STXBP5: variants seen among roughly 807,000 people sequenced by gnomAD.
The protein encoded by STXBP5 is syntaxin-binding protein 5.
Under a neutral mutation model 152.4 loss-of-function variants are expected in STXBP5, and 50 were observed. The ratio of observed to expected loss-of-function variants is 0.33; its 90% CI spans 0.26 to 0.42. The LOEUF (loss-of-function observed/expected upper bound fraction) is 0.42. Among genes scored for constraint, STXBP5 ranks in the 10% least tolerant of loss-of-function variants. The pLI, the probability that STXBP5 is intolerant of heterozygous loss-of-function variation, is 1.00. For synonymous variants in STXBP5, 492 were observed against 494.7 expected (o/e 0.99, Z 0.07); for missense variants, 1,167 against 1,388.6 (o/e 0.84, Z 2.54).
At chr6:147,305,177 C>A (rs767713747) in intron 9 of STXBP5, among the ~76,000 whole-genome samples, 1 of 152,108 alleles carries the variant, frequency 6.6e-6, no homozygotes, top group Admixed American at 6.5e-5. Flanking sequence ...CACTTGAATG[C>A]CACTTGACAT....
At chr6:147,383,952 A>G (rs1428654959) in intron 27 of STXBP5, among the ~76,000 whole-genome samples, 4 of 152,102 alleles carry the variant, frequency 2.6e-5, no homozygotes, top group Admixed American at 1.3e-4. Context: ...GTGGTGGTCA[A>G]TCTAGGTCAG....
Position 147,373,822 on chromosome 6 carries a change from C to T in STXBP5, c.3173C>T (p.Ser1058Phe), listed in dbSNP as rs915508045. ...GGCTTATTTGGAGGTGGTGCACAAT[C>T]TCTTGACAGAGAAGAACTATGTAAG... Reference protein sequence around the residue: ...FKGLFGGGAQSLDREELFGES... With the variant: ...FKGLFGGGAQFLDREELFGES... The change falls in exon 26 of 28, where the codon TCT becomes TTT. Residue 1058 changes from serine (S) to phenylalanine (F), a missense_variant. Coordinates refer to ENST00000321680, the MANE Select transcript of STXBP5 (RefSeq NM_001127715.4). The T allele has an allele frequency of 1.9e-6, 3 of 1,612,232 alleles. No individual in the cohort carries two copies. Among genetic ancestry groups the T allele is most frequent in the Non-Finnish European group, 2.5e-6 (3 of 1,178,592 alleles).
At chr6:147,232,621 G>T (rs985503823) in intron 2 of STXBP5, among the ~76,000 whole-genome samples, 1 of 151,676 alleles carries the variant, frequency 6.6e-6, no homozygotes, top group Non-Finnish European at 1.5e-5. Flanking sequence ...TCATTTCTCT[G>T]AGCCTTAGAT....
At chr6:147,287,843 T>A (rs1261373585) in intron 8 of STXBP5, among the ~76,000 whole-genome samples, 1 of 152,240 alleles carries the variant, frequency 6.6e-6, no homozygotes, top group East Asian at 1.9e-4. Flanking sequence ...CTAATAAATG[T>A]TCTCAAACCA....
In STXBP5 at chr6:147,384,798, A is replaced by C. The variant is rs1786264387; in HGVS notation, c.*43A>C. 2 of 1,584,200 alleles carry C rather than the reference A, an allele frequency of 1.3e-6. No individual in the cohort carries two copies. Among genetic ancestry groups the C allele is most frequent in the African/African-American group, 1.4e-5 (1 of 73,186 alleles). On this transcript the variant is annotated 3_prime_UTR_variant, in exon 28 of 28. Transcript: ENST00000321680. ...GTCCAACTTCAGCCAGAAGGAAAAAAGTTTTCCATTTTTATTACATTCTTT... is the reference window on the plus strand; with the variant it reads ...GTCCAACTTCAGCCAGAAGGAAAAACGTTTTCCATTTTTATTACATTCTTT...
intron 16 of STXBP5, among the ~76,000 whole-genome samples, chr6:147,317,987 A>G (rs1047285534): frequency 8.5e-5 from 13 of 152,208 alleles, no homozygotes; most frequent in Non-Finnish European, 1.9e-4. Context: ...AGTGTTTTCA[A>G]CTACTGAAGT....
chr6:147,307,457 T>G lies in STXBP5; in HGVS notation c.918-2627T>G, dbSNP rs1782151852. On this transcript the variant is annotated intron_variant, in intron 9 of 27. Transcript: ENST00000321680. Reference sequence around the variant, plus strand: ...GAGATCCCTGGAACTTTTAATACAATTCCAAATGCTTACAAAAACTTTAAA... The same window carrying G: ...GAGATCCCTGGAACTTTTAATACAAGTCCAAATGCTTACAAAAACTTTAAA... Among the ~76,000 whole-genome samples the G allele has an allele frequency of 2.0e-5, 3 of 152,306 alleles. No individual in the cohort carries two copies. The South Asian group carries it at 6.2e-4, about 32-fold the overall frequency.
At chr6:147,372,406 C>CTTTTTTTTTT (rs1583009383) in intron 25 of STXBP5, among the ~76,000 whole-genome samples, 1,280 of 39,106 alleles carry the variant, frequency 0.033, 629 homozygotes, top group Non-Finnish European at 0.041. Flanking sequence ...CCGTCCTTTT[C>CTTTTTTTTTT]CTTTTTTTTT....
intron 2 of STXBP5, among the ~76,000 whole-genome samples, chr6:147,229,704 TG>T (rs1368053598): frequency 6.6e-6 from 1 of 152,008 alleles, no homozygotes; most frequent in Non-Finnish European, 1.5e-5. Flanking sequence ...TTATGTATAT[TG>T]GTCTTGTATT....
At chr6:147,235,385 A>G in intron 3 of STXBP5, 54 bp downstream of exon 3, 1 of 1,406,506 alleles carries the variant, frequency 7.1e-7, no homozygotes, top group East Asian at 2.3e-5. Context: ...GGCCACTTCT[A>G]GTCTTTCAGA....
At chr6:147,349,569 T>C (rs1349248355) in intron 21 of STXBP5, among the ~76,000 whole-genome samples, 1 of 152,228 alleles carries the variant, frequency 6.6e-6, no homozygotes. Context: ...ACAAAGTCTC[T>C]CGCTGGTTTT....
At chr6:147,356,819 T>C (rs1784836011) in intron 22 of STXBP5, among the ~76,000 whole-genome samples, 1 of 152,158 alleles carries the variant, frequency 6.6e-6, no homozygotes, top group Admixed American at 6.6e-5. Flanking sequence ...TTTAACATGT[T>C]TTATAGTTTT....
At chr6:147,232,679 G>A (rs1281025843) in intron 2 of STXBP5, among the ~76,000 whole-genome samples, 1 of 151,752 alleles carries the variant, frequency 6.6e-6, no homozygotes, top group Non-Finnish European at 1.5e-5. Context: ...GAATTACTGT[G>A]ATGATTAGGT....
At chr6:147,231,330 C>T (rs577739548) in intron 2 of STXBP5, among the ~76,000 whole-genome samples, 42 of 151,858 alleles carry the variant, frequency 2.8e-4, no homozygotes, top group Admixed American at 2.5e-3. Context: ...TTCATAAATA[C>T]GCCAGTGATA....
chr6:147,363,303 T>C, intron 23 of STXBP5, 32 bp from the exon 24 acceptor site: 1 of 1,529,288 alleles, frequency 6.5e-7, no homozygotes, highest in Non-Finnish European at 8.7e-7. Context: ...GATTAAAATA[T>C]TTCAGTTATT....
chr6:147,243,696 A>G (rs1171033593), intron 4 of STXBP5, among the ~76,000 whole-genome samples: 2 of 152,148 alleles, frequency 1.3e-5, no homozygotes, highest in Non-Finnish European at 2.9e-5. Flanking sequence ...ATGTTGTAGA[A>G]GTTTTAGAGT....
intron 21 of STXBP5, among the ~76,000 whole-genome samples, chr6:147,351,133 T>C (rs1455442604): frequency 6.6e-6 from 1 of 152,186 alleles, no homozygotes; most frequent in African/African-American, 2.4e-5. Context: ...ACCTTGCTAC[T>C]CAAAAGTGTG....
chr6:147,285,119 G>A (rs1780894855), intron 8 of STXBP5, among the ~76,000 whole-genome samples: 1 of 152,118 alleles, frequency 6.6e-6, no homozygotes, highest in African/African-American at 2.4e-5. Flanking sequence ...TAGTAAGAAG[G>A]AGAAATCAGA....
chr6:147,374,341 C>G (rs989549825), intron 26 of STXBP5, among the ~76,000 whole-genome samples: 2 of 152,052 alleles, frequency 1.3e-5, no homozygotes, highest in African/African-American at 4.8e-5. Flanking sequence ...CTTGACCTTT[C>G]TTATGAATGG....
Sources: allele counts gnomAD v4.1 joint callset (sites outside exome capture counted in the v4.1 genomes callset), GRCh38; gene constraint gnomAD v4.1.1; transcripts MANE v1.5; gene names NCBI Gene and HGNC (gene_info 2026-07-23, HGNC 2026-07-21).